The following PTN variants were observed in gnomAD, a reference collection of about 807,000 sequenced individuals.
The protein encoded by PTN is heparin affin regulatory protein.
PTN carries 18 observed loss-of-function variants against 24.1 expected under a neutral mutation model. That is an observed-to-expected ratio of 0.75 (90% CI 0.52 to 1.11). The LOEUF (loss-of-function observed/expected upper bound fraction) is 1.11. PTN is among the 50% of genes least tolerant of loss of function. The pLI, the probability that PTN is intolerant of heterozygous loss-of-function variation, is 0.00. For synonymous variants in PTN, 78 were observed against 68.6 expected, an observed-to-expected ratio of 1.14 and a Z score of -0.67; for missense variants, 163 against 198.8, an observed-to-expected ratio of 0.82 and a Z score of 1.08.
intron 1 of PTN, among the ~76,000 whole-genome samples, chr7:137,279,794 C>T (rs778783689): frequency 2.0e-5 from 3 of 152,152 alleles, no homozygotes; most frequent in Non-Finnish European, 4.4e-5. Flanking sequence ...TCTGAAAGAA[C>T]ACTCAGCAGG....
At chr7:137,303,661 T>G (rs529441377) in intron 1 of PTN, among the ~76,000 whole-genome samples, 1 of 152,012 alleles carries the variant, frequency 6.6e-6, no homozygotes, top group African/African-American at 2.4e-5. Flanking sequence ...ATAATTTGAT[T>G]CTTATGTTAA....
intron 1 of PTN, among the ~76,000 whole-genome samples, chr7:137,268,575 A>C (rs1809206016): frequency 6.6e-6 from 1 of 152,232 alleles, no homozygotes; most frequent in South Asian, 2.1e-4. Context: ...ACCGATGGTC[A>C]GAGTGAAACA....
At chr7:137,235,357 G>A (rs1808501083) in intron 4 of PTN, among the ~76,000 whole-genome samples, 1 of 152,122 alleles carries the variant, frequency 6.6e-6, no homozygotes, top group African/African-American at 2.4e-5. Flanking sequence ...TGAACATACA[G>A]CTCAGTGATT....
intron 1 of PTN, among the ~76,000 whole-genome samples, chr7:137,266,085 T>C (rs921274980): frequency 1.3e-5 from 2 of 152,198 alleles, no homozygotes; most frequent in African/African-American, 2.4e-5. Context: ...TGATCATAAG[T>C]AAGATTTTAT....
intron 1 of PTN, among the ~76,000 whole-genome samples, chr7:137,321,119 A>G (rs1810155289): frequency 6.6e-6 from 1 of 152,180 alleles, no homozygotes; most frequent in Non-Finnish European, 1.5e-5. Context: ...GCTATTGCCA[A>G]GCTTGTTTTC....
At chr7:137,277,927 A>C (rs950340072) in intron 1 of PTN, among the ~76,000 whole-genome samples, 1 of 151,970 alleles carries the variant, frequency 6.6e-6, no homozygotes, top group Non-Finnish European at 1.5e-5. Context: ...AGATAGATAG[A>C]TAGATAGATA....
chr7:137,266,548 T>TA (rs1401991465), intron 1 of PTN, among the ~76,000 whole-genome samples: 4 of 151,872 alleles, frequency 2.6e-5, no homozygotes, highest in East Asian at 3.9e-4. Flanking sequence ...CATTTTTTTT[T>TA]AAAAAAACAA....
chr7:137,262,375 G>T (rs1809055920), intron 1 of PTN, among the ~76,000 whole-genome samples: 1 of 151,996 alleles, frequency 6.6e-6, no homozygotes, highest in Non-Finnish European at 1.5e-5. Context: ...TTCTAAAATA[G>T]ATTTCTTATC....
chr7:137,229,182 A>G (rs960289092), intron 4 of PTN, among the ~76,000 whole-genome samples: 1 of 151,872 alleles, frequency 6.6e-6, no homozygotes, highest in Non-Finnish European at 1.5e-5. Flanking sequence ...CATGTGCTCA[A>G]TTAAGGTTAG....
chr7:137,246,394 T>C (rs879386205), intron 4 of PTN, among the ~76,000 whole-genome samples: 4 of 152,146 alleles, frequency 2.6e-5, no homozygotes, highest in Non-Finnish European at 5.9e-5. Context: ...CCTATGATGT[T>C]CACACGAGAA....
rs559458177 is a variant in PTN, at chr7:137,258,288, A to T, written c.-1-3314T>A. 2.0e-5 allele frequency among the ~76,000 whole-genome samples: 3 copies of T among 152,336 alleles called. No homozygotes were observed. The South Asian group carries it at 6.2e-4, about 32-fold the overall frequency. On this transcript the variant is annotated intron_variant, in intron 1 of 4. Coordinates refer to ENST00000348225, the MANE Select transcript of PTN (RefSeq NM_002825.7). ...GGAGTTGGAGAGAAAGTAGAATGGAAATACACTCTATCTGCCTCTAATGTT... is the reference window on the plus strand; with the variant it reads ...GGAGTTGGAGAGAAAGTAGAATGGATATACACTCTATCTGCCTCTAATGTT...
At chr7:137,240,350 A>C (rs988729660) in intron 4 of PTN, among the ~76,000 whole-genome samples, 1 of 152,118 alleles carries the variant, frequency 6.6e-6, no homozygotes, top group Non-Finnish European at 1.5e-5. Context: ...TACATTAGAA[A>C]CAATGCTAAA....
intron 4 of PTN, among the ~76,000 whole-genome samples, chr7:137,235,098 T>C (rs1338773398): frequency 2.0e-5 from 3 of 152,048 alleles, no homozygotes; most frequent in African/African-American, 7.2e-5. Flanking sequence ...AAGTTCACTT[T>C]TGGAGACTTG....
intron 1 of PTN, among the ~76,000 whole-genome samples, chr7:137,269,083 T>C (rs1809218188): frequency 6.6e-6 from 1 of 152,232 alleles, no homozygotes; most frequent in Non-Finnish European, 1.5e-5. Flanking sequence ...TAAGTTACTT[T>C]GTATGAGATT....
At chr7:137,316,959 T>G (rs1810083306) in intron 1 of PTN, among the ~76,000 whole-genome samples, 1 of 152,112 alleles carries the variant, frequency 6.6e-6, no homozygotes, top group African/African-American at 2.4e-5. Flanking sequence ...TGCTCACAAT[T>G]AACTGCTTTG....
chr7:137,314,711 C>T (rs1162131514), intron 1 of PTN, among the ~76,000 whole-genome samples: 1 of 151,868 alleles, frequency 6.6e-6, no homozygotes, highest in Non-Finnish European at 1.5e-5. Flanking sequence ...TTTCCTGCCT[C>T]AGCTTCCCAA....
At chr7:137,262,723 C>T (rs975518956) in intron 1 of PTN, among the ~76,000 whole-genome samples, 1 of 152,198 alleles carries the variant, frequency 6.6e-6, no homozygotes, top group African/African-American at 2.4e-5. Flanking sequence ...TGTGACGGGG[C>T]TGTGAGCACC....
rs187162847 is a variant in PTN at position 137,335,365 on chromosome 7, G to A, written c.-2+8074C>T. On this transcript the variant is annotated intron_variant, in intron 1 of 4. Coordinates refer to ENST00000348225, the MANE Select transcript of PTN (RefSeq NM_002825.7). ...GGCCAGGGGCTTTTTACACTTAAGG[G>A]AACTTCAGTGAAGTCAATAGCAAAT... 1.1e-3 allele frequency among the ~76,000 whole-genome samples: 172 copies of A among 152,168 alleles called. 2 individuals carry two copies. The Middle Eastern group carries it at 0.017, about 15-fold the overall frequency.
At chr7:137,338,416 G>A (rs1810482459) in intron 1 of PTN, among the ~76,000 whole-genome samples, 1 of 152,180 alleles carries the variant, frequency 6.6e-6, no homozygotes, top group Admixed American at 6.5e-5. Context: ...AAGGAATCAG[G>A]AGTTCAATTT....
Sources: gnomAD v4.1 joint callset for allele counts (sites outside exome capture counted in the v4.1 genomes callset) on GRCh38, gnomAD v4.1.1 for gene constraint, MANE v1.5 for transcripts, NCBI Gene and HGNC (gene_info 2026-07-23, HGNC 2026-07-21) for gene names.